The following ETS2 variants were observed in gnomAD, a reference collection of about 807,000 sequenced individuals.
ETS2 encodes protein C-ets-2.
In ETS2, 19 loss-of-function variants were observed where a neutral mutation model predicts 54.9. The ratio of observed to expected loss-of-function variants is 0.35; its 90% confidence interval spans 0.24 to 0.51. The LOEUF (loss-of-function observed/expected upper bound fraction) is 0.51, where lower values mean the gene tolerates loss of function less well. ETS2 is among the 20% of genes least tolerant of loss of function. The probability of loss-of-function intolerance (pLI) is 0.97; values close to 1 mark genes in which losing one functional copy is unlikely to be tolerated. For synonymous variants in ETS2, 219 were observed against 229.3 expected (o/e 0.95, Z 0.41); for missense variants, 417 against 593.0 (o/e 0.70, Z 3.08).
At chr21:38,805,675 T>C (rs1349847168), upstream of ETS2, 2 of 1,184,338 alleles carry the variant, frequency 1.7e-6, no homozygotes, top group Non-Finnish European at 2.1e-6. This position sits in a 1 kb window ranked among gnomAD's most constrained non-coding sequence, Gnocchi z 5.2. Flanking sequence ...GCCCTCCTCT[T>C]CTCTCCCCTC....
chr21:38,811,695 G>A (rs2060914550), intron 2 of ETS2, among the ~76,000 whole-genome samples: 1 of 152,308 alleles, frequency 6.6e-6, no homozygotes, highest in South Asian at 2.1e-4. Flanking sequence ...TAAATGTTAT[G>A]TAAGATGCTC....
Position 38,814,469 on chromosome 21 carries a change from A to C in ETS2, c.304+77A>C. 1 of 1,565,204 alleles carries C rather than the reference A, an allele frequency of 6.4e-7. No homozygotes were observed. The highest frequency in any genetic ancestry group is 1.1e-5 in the South Asian group (1 of 87,144). ...GCAGTTGTTTGATCTTGACTTGTTTATTAAGCTTTTGCTTGGGGTATTCTG... is the reference window on the plus strand; with the variant it reads ...GCAGTTGTTTGATCTTGACTTGTTTCTTAAGCTTTTGCTTGGGGTATTCTG... On this transcript the variant is annotated intron_variant, in intron 4 of 9. Transcript: ENST00000360938. The surrounding 1 kb of genome is among the most constrained non-coding windows in gnomAD (Gnocchi z 4.2).
In ETS2 at chr21:38,821,286, C is replaced by T. The variant is rs1200646356; in HGVS notation, c.1076-300C>T. Among the ~76,000 whole-genome samples the T allele has an allele frequency of 1.3e-5, 2 of 152,218 alleles. No individual in the cohort carries two copies. The highest frequency in any genetic ancestry group is 4.1e-4 in the South Asian group (2 of 4,836). The stretch of plus-strand genomic sequence containing the variant: ...AATGCCAAGAGTTGGTGGCCCTAAA[C>T]TTTCTTCCAGAAAGAACAAACCTAG... On this transcript the variant is annotated intron_variant, in intron 8 of 9. Coordinates refer to ENST00000360938, the MANE Select transcript of ETS2 (RefSeq NM_005239.6). This position sits in a 1 kb window ranked among gnomAD's most constrained non-coding sequence, Gnocchi z 4.2.
chr21:38,814,839 G>A lies in ETS2; in HGVS notation c.363G>A (p.Glu121=). The change falls in exon 5 of 10, where the codon GAG becomes GAA. Residue 121 remains glutamate (E), a synonymous_variant. Transcript: ENST00000360938. The surrounding 1 kb of genome is among the most constrained non-coding windows in gnomAD (Gnocchi z 4.2). ...VCQWLLWATN[E]FSLVNVNLQR... is the part of the protein sequence containing the mutation. ...AGTGGCTTCTCTGGGCCACCAATGA[G>A]TTCAGTCTGGTGAACGTGAATCTGC... 1.9e-6 allele frequency: 3 copies of A among 1,614,192 alleles called. No individual in the cohort carries two copies. The highest frequency in any genetic ancestry group is 2.2e-5 in the East Asian group (1 of 44,882).
At position 38,807,780 on chromosome 21, in the gene ETS2, G is replaced by C. The variant is rs1290497984; in HGVS notation, c.-1+1660G>C. On this transcript the variant is annotated intron_variant, in intron 1 of 9. Coordinates refer to ENST00000360938, the MANE Select transcript of ETS2 (RefSeq NM_005239.6). The stretch of plus-strand genomic sequence containing the variant: ...TTCATTCTCTGTCCATCTCAGAGAA[G>C]CTGAAAAACAGAATCAAGTCAGCAA... 2.0e-5 allele frequency among the ~76,000 whole-genome samples: 3 copies of C among 152,170 alleles called. No individual in the cohort carries two copies. The East Asian group carries it at 5.8e-4, about 29-fold the overall frequency.
At chr21:38,819,885 C>A in intron 8 of ETS2, 119 bp downstream of exon 8, 1 of 954,826 alleles carries the variant, frequency 1.0e-6, no homozygotes. Context: ...CACCAGTGCT[C>A]TACACTCCAT....
intron 6 of ETS2, among the ~76,000 whole-genome samples, chr21:38,817,856 G>A (rs1423786756): frequency 6.6e-6 from 1 of 152,168 alleles, no homozygotes; most frequent in African/African-American, 2.4e-5. Flanking sequence ...GCCCCACTGG[G>A]GGCTTCCTGC....
intron 2 of ETS2, 34 bp downstream of exon 2, chr21:38,810,140 T>C (rs750004343): frequency 3.0e-6 from 4 of 1,321,202 alleles, no homozygotes; most frequent in East Asian, 2.7e-5. Context: ...TTTTTTTAAT[T>C]GGAAAACTCG....
intron 8 of ETS2, among the ~76,000 whole-genome samples, chr21:38,820,377 C>T (rs1026592677): frequency 1.3e-5 from 2 of 152,158 alleles, no homozygotes; most frequent in Non-Finnish European, 2.9e-5. Flanking sequence ...AATTACCTAA[C>T]TTAAAAAAAT....
intron 5 of ETS2, among the ~76,000 whole-genome samples, chr21:38,815,503 G>T (rs1308155515): frequency 6.6e-6 from 1 of 152,068 alleles, no homozygotes; most frequent in African/African-American, 2.4e-5. Flanking sequence ...GTGAGAAATT[G>T]ATATATATTT....
In ETS2 at chr21:38,819,519, C is replaced by T. The variant is rs566869068; in HGVS notation, c.828C>T (p.His276=). Residue 276 remains histidine, a synonymous_variant, in exon 8 of 10, where the codon CAC becomes CAT. Transcript: ENST00000360938. ...LTNNSGTPKD[H]DSPENGADSF... ...CTTTGCCAGGGACTCCCAAAGACCA[C>T]GACTCCCCTGAGAACGGTGCGGACA... is the stretch of plus-strand genomic sequence containing the variant. 3.7e-5 allele frequency: 60 copies of T among 1,613,976 alleles called. No individual in the cohort carries two copies. The Middle Eastern group carries it at 4.9e-4, about 13-fold the overall frequency.
At chr21:38,819,405 G>A (rs2060948046) in intron 7 of ETS2, 98 bp from the exon 8 acceptor site, 4 of 1,086,476 alleles carry the variant, frequency 3.7e-6, no homozygotes, top group African/African-American at 1.5e-5. Flanking sequence ...ACCAGCAGGT[G>A]CATGATTGCA....
intron 2 of ETS2, among the ~76,000 whole-genome samples, chr21:38,810,388 CA>C (rs2060909655): frequency 1.3e-5 from 2 of 152,146 alleles, no homozygotes; most frequent in African/African-American, 4.8e-5. Flanking sequence ...CTATAACTCC[CA>C]ATAAAACAGC....
At position 38,814,671 on chromosome 21, in the gene ETS2, G is replaced by A; in HGVS notation, c.305-110G>A. 1 of 994,796 alleles carries A rather than the reference G, an allele frequency of 1.0e-6. No homozygotes were observed. The highest frequency in any genetic ancestry group is 2.4e-5 in the East Asian group (1 of 41,486). 61.6% of individuals were successfully genotyped at this position (994,796 alleles called of 1,614,324 possible). A position where few individuals can be genotyped will look rare whatever the true frequency, so the allele number is the denominator to read the frequency against. ...TCATCATGGTATCTTGCTCATTCGT[G>A]GGTTCTGGTGTATGTCGGTACTTGG... is the stretch of plus-strand genomic sequence containing the variant. On this transcript the variant is annotated intron_variant, in intron 4 of 9. Coordinates refer to ENST00000360938, the MANE Select transcript of ETS2 (RefSeq NM_005239.6). The surrounding 1 kb of genome is among the most constrained non-coding windows in gnomAD (Gnocchi z 4.2).
intron 2 of ETS2, among the ~76,000 whole-genome samples, chr21:38,812,744 G>A (rs2060918468): frequency 6.7e-6 from 1 of 148,972 alleles, no homozygotes; most frequent in Admixed American, 6.7e-5. Flanking sequence ...TTGCACCACT[G>A]CACTCTGGCC....
Position 38,814,624 on chromosome 21 carries a change from G to T in ETS2, c.305-157G>T, listed in dbSNP as rs189502085. On this transcript the variant is annotated intron_variant, in intron 4 of 9. Transcript: ENST00000360938. This position sits in a 1 kb window ranked among gnomAD's most constrained non-coding sequence, Gnocchi z 4.2. Reference sequence around the variant, plus strand: ...TACTGGTGTCTTGAAATGTGCCTGGGTCGTGTCAGAATGGTGACGTGTCAT... The same window carrying T: ...TACTGGTGTCTTGAAATGTGCCTGGTTCGTGTCAGAATGGTGACGTGTCAT... Among the ~76,000 whole-genome samples the T allele has an allele frequency of 1.1e-4, 17 of 152,340 alleles. No homozygotes were observed. In the East Asian group the frequency reaches 3.3e-3, roughly 29 times the overall value.
At chr21:38,816,591 C>T (rs1453474372) in intron 5 of ETS2, among the ~76,000 whole-genome samples, 4 of 152,188 alleles carry the variant, frequency 2.6e-5, no homozygotes, top group Non-Finnish European at 5.9e-5. Context: ...CCTGGGGAAG[C>T]GTGCAGGTTT....
upstream of ETS2, chr21:38,805,658 C>T (rs1173440802): frequency 3.3e-6 from 4 of 1,198,136 alleles, no homozygotes; most frequent in East Asian, 1.8e-4. This position sits in a 1 kb window ranked among gnomAD's most constrained non-coding sequence, Gnocchi z 5.2. Context: ...GCTCCCTCGC[C>T]GCCTCCGCCC....
rs952952513 is a variant in ETS2 at position 38,806,197 on chromosome 21, G to A, written c.-1+77G>A. Reference sequence around the variant, plus strand: ...AGGGTCACCCGGGGCCTGGGCGGGGGTCGCGGGGGGCACTGACACGCAGAT... The same window carrying A: ...AGGGTCACCCGGGGCCTGGGCGGGGATCGCGGGGGGCACTGACACGCAGAT... On this transcript the variant is annotated intron_variant, in intron 1 of 9. Coordinates refer to ENST00000360938, the MANE Select transcript of ETS2 (RefSeq NM_005239.6). This position sits in a 1 kb window ranked among gnomAD's most constrained non-coding sequence, Gnocchi z 4.3. The A allele has an allele frequency of 4.0e-5, 40 of 994,196 alleles. No homozygotes were observed. Among genetic ancestry groups the A allele is most frequent in the Non-Finnish European group, 4.5e-5 (38 of 836,428 alleles). The allele number at this position is 994,196 out of a possible 1,614,324, so 61.6% of individuals were successfully genotyped here.
Sources: gnomAD v4.1 joint callset for allele counts (sites outside exome capture counted in the v4.1 genomes callset) on GRCh38, gnomAD v4.1.1 for gene constraint, Gnocchi (gnomAD v3.1) non-coding constraint, MANE v1.5 for transcripts, NCBI Gene and HGNC (gene_info 2026-07-23, HGNC 2026-07-21) for gene names.